IGF1R: variants seen among roughly 807,000 people sequenced by gnomAD.
IGF1R encodes the protein insulin-like growth factor 1 receptor.
IGF1R carries 44 observed loss-of-function variants against 144.6 expected under a neutral mutation model. That is an observed-to-expected ratio of 0.30 (90% CI 0.24 to 0.39). The LOEUF (loss-of-function observed/expected upper bound fraction) is 0.39. Among genes scored for constraint, IGF1R ranks in the 10% least tolerant of loss-of-function variants. The pLI is 1.00. For synonymous variants in IGF1R, 795 were observed against 722.8 expected (o/e 1.10, Z -1.60); for missense variants, 1,355 against 1,833.7 (o/e 0.74, Z 4.77).
chr15:98,793,349 A>G (rs2056168578), intron 2 of IGF1R, among the ~76,000 whole-genome samples: 1 of 152,236 alleles, frequency 6.6e-6, no homozygotes, highest in Admixed American at 6.5e-5. Context: ...GAAGGTGTGT[A>G]ATGAAAATGG....
At chr15:98,722,260 A>G (rs901095229) in intron 2 of IGF1R, among the ~76,000 whole-genome samples, 9 of 152,320 alleles carry the variant, frequency 5.9e-5, no homozygotes, top group African/African-American at 1.9e-4. Flanking sequence ...CAGAAGAGAA[A>G]TAGAGGCAAC....
At chr15:98,916,520 C>G in intron 9 of IGF1R, 152 bp from the exon 10 acceptor site, 1 of 767,600 alleles carries the variant, frequency 1.3e-6, no homozygotes, top group Non-Finnish European at 2.3e-6. Flanking sequence ...CCTCGGCCTC[C>G]CAAAGTGCTG....
chr15:98,948,479 T>G (rs1226013911), intron 19 of IGF1R, 95 bp from the exon 20 acceptor site: 38 of 1,345,882 alleles, frequency 2.8e-5, no homozygotes, highest in Non-Finnish European at 4.0e-5. Context: ...AAGGACAGTT[T>G]ATCTGCTCGG....
intron 2 of IGF1R, among the ~76,000 whole-genome samples, chr15:98,842,187 T>C (rs1391271844): frequency 1.3e-5 from 2 of 152,250 alleles, no homozygotes; most frequent in African/African-American, 4.8e-5. Flanking sequence ...GCAAGCCACA[T>C]AACTACCATT....
At chr15:98,915,489 G>C (rs2684808) in intron 8 of IGF1R, among the ~76,000 whole-genome samples, 92,073 of 151,952 alleles carry the variant, frequency 0.61, 28,552 homozygotes, top group Middle Eastern at 0.76. Flanking sequence ...GACTCTCCAG[G>C]CCCCTTTCCA....
intron 2 of IGF1R, among the ~76,000 whole-genome samples, chr15:98,822,293 G>A (rs1187442060): frequency 6.6e-6 from 1 of 152,148 alleles, no homozygotes; most frequent in Non-Finnish European, 1.5e-5. Context: ...GTTTTCCTGA[G>A]TGTGTATACT....
intron 20 of IGF1R, among the ~76,000 whole-genome samples, chr15:98,951,027 T>C (rs2016753787): frequency 6.6e-6 from 1 of 152,238 alleles, no homozygotes; most frequent in African/African-American, 2.4e-5. Context: ...GTACGTTGGC[T>C]GGGCGGCATG....
chr15:98,928,159 C>A (rs2015795351), intron 13 of IGF1R, among the ~76,000 whole-genome samples: 1 of 152,162 alleles, frequency 6.6e-6, no homozygotes. Context: ...CCAGCACCGC[C>A]ACAGCTCAGA....
At chr15:98,659,279 T>G (rs1218415510) in intron 1 of IGF1R, among the ~76,000 whole-genome samples, 1 of 152,230 alleles carries the variant, frequency 6.6e-6, no homozygotes, top group African/African-American at 2.4e-5. Context: ...CCCTGCAGTT[T>G]GCCTTCCATT....
At chr15:98,652,933 C>G (rs1451518473) in intron 1 of IGF1R, among the ~76,000 whole-genome samples, 2 of 123,092 alleles carry the variant, frequency 1.6e-5, no homozygotes, top group Non-Finnish European at 3.5e-5. Context: ...CTCAATAAAC[C>G]CTTTTTTTTT....
chr15:98,799,752 C>T (rs922266850), intron 2 of IGF1R, among the ~76,000 whole-genome samples: 3 of 152,052 alleles, frequency 2.0e-5, no homozygotes, highest in Non-Finnish European at 4.4e-5. Flanking sequence ...AGGCTGGGAT[C>T]GTGGTGTTAA....
chr15:98,652,998 C>T (rs1448852889), intron 1 of IGF1R, among the ~76,000 whole-genome samples: 1 of 149,438 alleles, frequency 6.7e-6, no homozygotes, highest in Non-Finnish European at 1.5e-5. Context: ...CCTTAAATTA[C>T]GTTAAAATTA....
chr15:98,917,476 C>G (rs2015305598), intron 10 of IGF1R, among the ~76,000 whole-genome samples: 1 of 152,206 alleles, frequency 6.6e-6, no homozygotes, highest in Non-Finnish European at 1.5e-5. Context: ...GCCCCAGGGA[C>G]TCTGCTCCTC....
chr15:98,920,105 T>C (rs563540645), intron 10 of IGF1R, among the ~76,000 whole-genome samples: 42 of 152,346 alleles, frequency 2.8e-4, no homozygotes, highest in African/African-American at 9.9e-4. Context: ...CTAGCTAAAA[T>C]GTTGACAGAT....
chr15:98,931,003 A>T (rs1036593588), intron 15 of IGF1R, among the ~76,000 whole-genome samples: 29 of 152,174 alleles, frequency 1.9e-4, no homozygotes, highest in African/African-American at 7.0e-4. Flanking sequence ...CTTAACTGGC[A>T]CTTTGCTAGG....
At chr15:98,684,362 G>C (rs1158703746) in intron 1 of IGF1R, among the ~76,000 whole-genome samples, 1 of 147,968 alleles carries the variant, frequency 6.8e-6, no homozygotes, top group Non-Finnish European at 1.5e-5. Context: ...TACAACTGTA[G>C]CTCTGTGGGG....
rs886051591 is a variant in IGF1R at position 98,960,394 on chromosome 15, C to G, written c.*2952C>G. On this transcript the variant is annotated 3_prime_UTR_variant, in exon 21 of 21. Coordinates refer to ENST00000650285, the MANE Select transcript of IGF1R (RefSeq NM_000875.5). Reference sequence around the variant, plus strand: ...AGGCCAACGAGGGCACCAGAGCACACCTGGGGGAGCCACCAGGCTGTCCCT... The same window carrying G: ...AGGCCAACGAGGGCACCAGAGCACAGCTGGGGGAGCCACCAGGCTGTCCCT... The G allele has an allele frequency of 8.6e-6, 2 of 233,226 alleles. No homozygotes were observed. Among genetic ancestry groups the G allele is most frequent in the East Asian group, 1.2e-4 (2 of 16,600 alleles). 14.4% of individuals were successfully genotyped at this position (233,226 alleles called of 1,614,324 possible).
intron 5 of IGF1R, among the ~76,000 whole-genome samples, chr15:98,908,048 G>A (rs766896429): frequency 2.6e-4 from 39 of 152,224 alleles, no homozygotes; most frequent in Non-Finnish European, 3.5e-4. Context: ...GTTGGACTCC[G>A]AGTCCTCTTG....
At chr15:98,852,343 C>CCCCGCG (rs1380950080) in intron 2 of IGF1R, among the ~76,000 whole-genome samples, 1 of 152,066 alleles carries the variant, frequency 6.6e-6, no homozygotes, top group Non-Finnish European at 1.5e-5. Context: ...GGAGCGGGCA[C>CCCCGCG]CCCGCGCCCG....
Sources: allele counts gnomAD v4.1 joint callset (sites outside exome capture counted in the v4.1 genomes callset), GRCh38; gene constraint gnomAD v4.1.1; transcripts MANE v1.5; gene names NCBI Gene and HGNC (gene_info 2026-07-23, HGNC 2026-07-21).